The following TLE4 variants were observed in gnomAD, a reference collection of about 807,000 sequenced individuals.
The protein encoded by TLE4 is transducin-like enhancer protein 4.
Under a neutral mutation model 92.8 loss-of-function variants are expected in TLE4, and 8 were observed. The ratio of observed to expected loss-of-function variants is 0.09; its 90% CI spans 0.05 to 0.16. The LOEUF (loss-of-function observed/expected upper bound fraction) is 0.16, where lower values mean the gene tolerates loss of function less well. Among genes scored for constraint, TLE4 ranks in the 10% least tolerant of loss-of-function variants. The pLI, the probability that TLE4 is intolerant of heterozygous loss-of-function variation, is 1.00. For synonymous variants in TLE4, 371 were observed against 374.1 expected (o/e 0.99, Z 0.10); for missense variants, 675 against 997.6 (o/e 0.68, Z 4.36).
At chr9:79,599,549 G>A (rs2045035837) in intron 4 of TLE4, among the ~76,000 whole-genome samples, 2 of 152,162 alleles carry the variant, frequency 1.3e-5, no homozygotes, top group South Asian at 4.1e-4. Flanking sequence ...GACGAGAAAG[G>A]GTCCCAAAGT....
At chr9:79,573,448 C>T (rs2036539804) in intron 1 of TLE4, 3 of 1,141,458 alleles carry the variant, frequency 2.6e-6, no homozygotes, top group East Asian at 3.5e-5. Flanking sequence ...GACTCGAACC[C>T]TCGGGGTCCG....
intron 6 of TLE4, among the ~76,000 whole-genome samples, chr9:79,637,198 C>T (rs1194847733): frequency 7.1e-6 from 1 of 141,280 alleles, no homozygotes; most frequent in Non-Finnish European, 1.5e-5. Flanking sequence ...GTATTCTTTT[C>T]CTGAAAAAGG....
In TLE4 at chr9:79,618,510, A is replaced by T. The variant is rs1278048291; in HGVS notation, c.315+5792A>T. 5.3e-5 allele frequency among the ~76,000 whole-genome samples: 8 copies of T among 152,120 alleles called. No homozygotes were observed. The East Asian group carries it at 1.5e-3, about 29-fold the overall frequency. Reference sequence around the variant, plus strand: ...TATGACCAGTGGCTTCCTAATTCTCATTTATTAAACTCATGGTCATTGTTA... The same window carrying T: ...TATGACCAGTGGCTTCCTAATTCTCTTTTATTAAACTCATGGTCATTGTTA... On this transcript the variant is annotated intron_variant, in intron 5 of 19. Transcript: ENST00000376552.
intron 4 of TLE4, chr9:79,580,177 G>A (rs2039240484): frequency 2.0e-5 from 3 of 152,162 alleles, no homozygotes; most frequent in Admixed American, 2.0e-4. Context: ...TCAGCAATTT[G>A]TTGCTATTAA....
intron 5 of TLE4, among the ~76,000 whole-genome samples, chr9:79,613,275 C>T (rs1415870682): frequency 6.6e-6 from 1 of 152,054 alleles, no homozygotes; most frequent in Non-Finnish European, 1.5e-5. Flanking sequence ...CCACTTTTCT[C>T]AAAATTAGGC....
At chr9:79,723,743 A>G (rs2076009520) in intron 19 of TLE4, among the ~76,000 whole-genome samples, 1 of 152,228 alleles carries the variant, frequency 6.6e-6, no homozygotes, top group African/African-American at 2.4e-5. Context: ...GTATTATCAT[A>G]AAGTAGATTA....
chr9:79,695,958 T>C (rs1201573589), intron 8 of TLE4, among the ~76,000 whole-genome samples: 4 of 152,202 alleles, frequency 2.6e-5, no homozygotes, highest in Non-Finnish European at 4.4e-5. Flanking sequence ...CTGCTACTTA[T>C]ATCAAGTGTG....
At chr9:79,618,550 G>A (rs1032651263) in intron 5 of TLE4, among the ~76,000 whole-genome samples, 12 of 152,134 alleles carry the variant, frequency 7.9e-5, no homozygotes, top group African/African-American at 2.4e-4. Flanking sequence ...TAGAGAAATG[G>A]CATTCATTTT....
At chr9:79,607,198 T>G (rs892312880) in intron 4 of TLE4, among the ~76,000 whole-genome samples, 3 of 152,188 alleles carry the variant, frequency 2.0e-5, no homozygotes, top group African/African-American at 7.2e-5. Flanking sequence ...TCATATCCTT[T>G]GCCCACTTTT....
chr9:79,631,788 C>T (rs1243891906), intron 6 of TLE4, among the ~76,000 whole-genome samples: 1 of 151,596 alleles, frequency 6.6e-6, no homozygotes, highest in Non-Finnish European at 1.5e-5. Context: ...GGATGAGCCA[C>T]CGTGGTCATT....
At chr9:79,718,687 T>G in intron 14 of TLE4, 35 bp from the exon 15 acceptor site, 1 of 1,585,368 alleles carries the variant, frequency 6.3e-7, no homozygotes. Flanking sequence ...TTTTTTTACA[T>G]TCCCCTCTTT....
At position 79,709,494 on chromosome 9, in the gene TLE4, T is replaced by A; in HGVS notation, c.1264-129T>A. 4 of 677,614 alleles carry A rather than the reference T, an allele frequency of 5.9e-6. No homozygotes were observed. In the South Asian group the frequency reaches 8.2e-5, roughly 14 times the overall value. 42.0% of individuals were successfully genotyped at this position (677,614 alleles called of 1,614,324 possible). A position where few individuals can be genotyped will look rare whatever the true frequency, so the allele number is the denominator to read the frequency against. On this transcript the variant is annotated intron_variant, in intron 13 of 19. Transcript: ENST00000376552. ...TTATCATTTCACCAATAAATACTTC[T>A]GTATATATCTCTAAAACCTTATTTT...
At chr9:79,722,240 G>A (rs187674219) in intron 17 of TLE4, among the ~76,000 whole-genome samples, 27 of 152,206 alleles carry the variant, frequency 1.8e-4, no homozygotes, top group Middle Eastern at 3.4e-3. Context: ...TTCACTTACC[G>A]TGTGATGATG....
intron 8 of TLE4, among the ~76,000 whole-genome samples, chr9:79,659,256 C>G (rs1005015479): frequency 1.6e-4 from 24 of 152,160 alleles, no homozygotes; most frequent in Non-Finnish European, 2.8e-4. Flanking sequence ...CAAAGAACGC[C>G]TCATACACCC....
Position 79,582,902 on chromosome 9 carries a change from C to T in TLE4, c.252+6725C>T, listed in dbSNP as rs143054277. ...GAGAAGCAGGGGGGCAGCACATTTA[C>T]GCATGGGCAATGGAGTATTTACACT... On this transcript the variant is annotated intron_variant, in intron 4 of 19. Coordinates refer to ENST00000376552, the MANE Select transcript of TLE4 (RefSeq NM_007005.6). Among the ~76,000 whole-genome samples, 408 of 152,178 alleles carry T rather than the reference C, an allele frequency of 2.7e-3. 1 individual carries two copies. The highest frequency in any genetic ancestry group is 8.3e-3 in the African/African-American group (346 of 41,524).
At chr9:79,686,462 T>A (rs2065873805) in intron 8 of TLE4, among the ~76,000 whole-genome samples, 1 of 152,110 alleles carries the variant, frequency 6.6e-6, no homozygotes, top group Admixed American at 6.6e-5. Context: ...AGAAATAGGG[T>A]CTTGGCAGAT....
At chr9:79,627,638 C>A in intron 6 of TLE4, 190 bp downstream of exon 6, 1 of 608,190 alleles carries the variant, frequency 1.6e-6, no homozygotes, top group South Asian at 2.0e-5. Flanking sequence ...ACATTCTCAC[C>A]AATTTAAGTG....
At chr9:79,604,913 G>C (rs1014395525) in intron 4 of TLE4, among the ~76,000 whole-genome samples, 1 of 152,076 alleles carries the variant, frequency 6.6e-6, no homozygotes, top group Admixed American at 6.6e-5. Context: ...TCCCTCTACT[G>C]TGGCTAAGTA....
chr9:79,596,682 A>G (rs1222013195), intron 4 of TLE4, among the ~76,000 whole-genome samples: 5 of 152,178 alleles, frequency 3.3e-5, no homozygotes, highest in African/African-American at 1.2e-4. Context: ...CAGCCACTCA[A>G]TTTGTAGCAC....
Sources: allele counts gnomAD v4.1 joint callset (sites outside exome capture counted in the v4.1 genomes callset), GRCh38; gene constraint gnomAD v4.1.1; transcripts MANE v1.5; gene names NCBI Gene and HGNC (gene_info 2026-07-23, HGNC 2026-07-21).